GLI2: variants seen among roughly 807,000 people sequenced by gnomAD.
GLI2 encodes the protein transcription activator GLI2.
Under a neutral mutation model 78.9 loss-of-function variants are expected in GLI2, and 22 were observed. The ratio of observed to expected loss-of-function variants is 0.28; its 90% confidence interval spans 0.20 to 0.40. The LOEUF (loss-of-function observed/expected upper bound fraction) is 0.40. Ranked by LOEUF, GLI2 falls within the 10% of genes least tolerant of loss-of-function variation. The pLI, the probability that GLI2 is intolerant of heterozygous loss-of-function variation, is 1.00. For synonymous variants in GLI2, 974 were observed against 963.7 expected (o/e 1.01, Z -0.20); for missense variants, 2,097 against 2,213.2 (o/e 0.95, Z 1.05).
intron 1 of GLI2, among the ~76,000 whole-genome samples, chr2:120,768,826 T>TGTGTGC (rs1007722814): frequency 6.0e-5 from 9 of 151,258 alleles, no homozygotes; most frequent in African/African-American, 2.2e-4. Flanking sequence ...TGTGTGTGTG[T>TGTGTGC]GTGCGTGTGT....
At chr2:120,842,201 A>G (rs982053770) in intron 2 of GLI2, among the ~76,000 whole-genome samples, 7 of 152,248 alleles carry the variant, frequency 4.6e-5, no homozygotes, top group African/African-American at 1.4e-4. Flanking sequence ...GAGACGACCA[A>G]TGTTCCCTGC....
At position 120,920,443 on chromosome 2, in the gene GLI2, T is replaced by C. The variant is rs1335108771; in HGVS notation, c.149-6918T>C. On this transcript the variant is annotated intron_variant, in intron 2 of 13. Coordinates refer to ENST00000361492, the MANE Select transcript of GLI2 (RefSeq NM_001374353.1). ...TCTCCCCCAGGAATCCACAGGATCATTTCTAATGGGGCATTAACTTGAGCC... is the reference window on the plus strand; with the variant it reads ...TCTCCCCCAGGAATCCACAGGATCACTTCTAATGGGGCATTAACTTGAGCC... 3.3e-5 allele frequency among the ~76,000 whole-genome samples: 5 copies of C among 152,330 alleles called. No homozygotes were observed. The East Asian group carries it at 7.7e-4, about 24-fold the overall frequency.
rs1018439778 is a variant in GLI2 at position 120,992,536 on chromosome 2, T to G, written c.*1861T>G. On this transcript the variant is annotated 3_prime_UTR_variant, in exon 14 of 14. Transcript: ENST00000361492. ...TATCTGCTTCCCCCTTGACAGTAGT[T>G]AATGAGAACCTGGGCAGTAAATTTG... 1 of 152,236 alleles carries G rather than the reference T, an allele frequency of 6.6e-6. No homozygotes were observed. Among genetic ancestry groups the G allele is most frequent in the African/African-American group, 2.4e-5 (1 of 41,458 alleles). 9.4% of individuals were successfully genotyped at this position (152,236 alleles called of 1,614,324 possible). A position where few individuals can be genotyped will look rare whatever the true frequency, so the allele number is the denominator to read the frequency against.
intron 2 of GLI2, among the ~76,000 whole-genome samples, chr2:120,874,449 A>G (rs1213460822): frequency 6.6e-6 from 1 of 152,222 alleles, no homozygotes; most frequent in African/African-American, 2.4e-5. Context: ...CATCAGCCGC[A>G]GCCCCCGTCT....
In GLI2 at chr2:120,875,637, T is replaced by C. The variant is rs1437095720; in HGVS notation, c.149-51724T>C. On this transcript the variant is annotated intron_variant, in intron 2 of 13. Coordinates refer to ENST00000361492, the MANE Select transcript of GLI2 (RefSeq NM_001374353.1). ...GCTTCTGCAGACAGTATTCCTCTTC[T>C]TCGCCTCAGGACACCCTTGCGTGTG... Among the ~76,000 whole-genome samples, 7 of 152,370 alleles carry C rather than the reference T, an allele frequency of 4.6e-5. No individual in the cohort carries two copies. The East Asian group carries it at 1.4e-3, about 29-fold the overall frequency.
intron 2 of GLI2, among the ~76,000 whole-genome samples, chr2:120,926,915 A>T (rs992247074): frequency 6.6e-6 from 1 of 152,214 alleles, no homozygotes; most frequent in African/African-American, 2.4e-5. Context: ...GCCATCACAA[A>T]TGGCTCTAGG....
intron 2 of GLI2, among the ~76,000 whole-genome samples, chr2:120,861,350 C>T (rs1480450651): frequency 2.0e-5 from 3 of 152,204 alleles, no homozygotes; most frequent in Admixed American, 6.5e-5. Context: ...GCTCAGCAGG[C>T]CCCTGCAGGC....
intron 8 of GLI2, chr2:120,972,588 T>C: frequency 1.9e-6 from 1 of 513,598 alleles, no homozygotes; most frequent in South Asian, 1.4e-5. Context: ...TGCACACCTG[T>C]CTCCCTGTCT....
At chr2:120,982,288 G>A (rs1201286295) in intron 10 of GLI2, among the ~76,000 whole-genome samples, 1 of 152,194 alleles carries the variant, frequency 6.6e-6, no homozygotes, top group Non-Finnish European at 1.5e-5. Context: ...TTCTCAGCAT[G>A]TTTTAGAGCA....
At chr2:120,905,906 AGGT>A (rs1050372960) in intron 2 of GLI2, among the ~76,000 whole-genome samples, 33 of 112,300 alleles carry the variant, frequency 2.9e-4, no homozygotes, top group South Asian at 1.8e-3. Flanking sequence ...GTGTCCACCC[AGGT>A]GGTCAGTGCA....
intron 2 of GLI2, among the ~76,000 whole-genome samples, chr2:120,867,773 G>A (rs1389726804): frequency 2.0e-5 from 3 of 152,228 alleles, no homozygotes; most frequent in Non-Finnish European, 2.9e-5. Context: ...CCAAGGCAGG[G>A]AGGCTGTGCT....
intron 4 of GLI2, among the ~76,000 whole-genome samples, chr2:120,954,528 G>A (rs1372452770): frequency 1.3e-5 from 2 of 152,222 alleles, no homozygotes; most frequent in African/African-American, 4.8e-5. Flanking sequence ...GTAGTGCACA[G>A]TGGCTAGGAG....
intron 1 of GLI2, among the ~76,000 whole-genome samples, chr2:120,761,726 C>T (rs1245692301): frequency 6.6e-6 from 1 of 152,172 alleles, no homozygotes; most frequent in Non-Finnish European, 1.5e-5. Flanking sequence ...GCCTGCCCCA[C>T]GGTGCTGGGA....
rs547195387 is a variant in GLI2 at position 120,758,830 on chromosome 2, C to G, written c.-31+22545C>G. ...AGTGAGGGTCAGCGGGCCCCAGAGA[C>G]TGGCCACTCCTACCATCTCGTTGCA... On this transcript the variant is annotated intron_variant, in intron 1 of 13. Transcript: ENST00000361492. 3.9e-5 allele frequency among the ~76,000 whole-genome samples: 6 copies of G among 152,272 alleles called. No homozygotes were observed. In the South Asian group the frequency reaches 6.2e-4, roughly 16 times the overall value.
At chr2:120,866,063 C>G (rs985232365) in intron 2 of GLI2, among the ~76,000 whole-genome samples, 5 of 152,252 alleles carry the variant, frequency 3.3e-5, no homozygotes, top group African/African-American at 4.8e-5. Context: ...TCGAGGAAGG[C>G]CCATGCAGGC....
chr2:120,924,457 G>T (rs952879267), intron 2 of GLI2, among the ~76,000 whole-genome samples: 2 of 151,888 alleles, frequency 1.3e-5, no homozygotes, highest in African/African-American at 2.4e-5. Flanking sequence ...ATCATTCTTG[G>T]CTTCCGTTTC....
chr2:120,977,933 A>G (rs868384083), intron 9 of GLI2, among the ~76,000 whole-genome samples: 1 of 152,226 alleles, frequency 6.6e-6, no homozygotes, highest in Admixed American at 6.5e-5. Flanking sequence ...GAAACAAAAT[A>G]TGTTATTTAC....
chr2:120,984,813 C>T (rs914286002), intron 12 of GLI2, 70 bp downstream of exon 12: 29 of 1,524,080 alleles, frequency 1.9e-5, no homozygotes, highest in African/African-American at 1.1e-4. Context: ...CCCCTTGCCA[C>T]GGTTGCGGGC....
chr2:120,741,502 C>T (rs1682537515), intron 1 of GLI2, among the ~76,000 whole-genome samples: 1 of 151,596 alleles, frequency 6.6e-6, no homozygotes, highest in African/African-American at 2.4e-5. Flanking sequence ...CTCCCCTTCT[C>T]CTTTCTTCTC....
Sources: gnomAD v4.1 joint callset for allele counts (sites outside exome capture counted in the v4.1 genomes callset) on GRCh38, gnomAD v4.1.1 for gene constraint, MANE v1.5 for transcripts, NCBI Gene and HGNC (gene_info 2026-07-23, HGNC 2026-07-21) for gene names.